TEF: variants seen among roughly 807,000 people sequenced by gnomAD.
TEF encodes the protein thyrotroph embryonic factor.
TEF carries 3 observed loss-of-function variants against 20.8 expected under a neutral mutation model. That is an observed-to-expected ratio of 0.14 (90% CI 0.07 to 0.37). The LOEUF (loss-of-function observed/expected upper bound fraction) is 0.37. Among genes scored for constraint, TEF ranks in the 10% least tolerant of loss-of-function variants. The pLI is 1.00. For synonymous variants in TEF, 180 were observed against 171.1 expected (o/e 1.05, Z -0.41); for missense variants, 296 against 397.9 (o/e 0.74, Z 2.18).
At chr22:41,386,113 C>T (rs1166409270) in intron 1 of TEF, among the ~76,000 whole-genome samples, 4 of 152,210 alleles carry the variant, frequency 2.6e-5, no homozygotes, top group African/African-American at 9.6e-5. Flanking sequence ...TCCTGACCCC[C>T]CCGCACCTGG....
Position 41,397,232 on chromosome 22 carries a change from G to A in TEF, c.*1272G>A, listed in dbSNP as rs927057487. On this transcript the variant is annotated 3_prime_UTR_variant, in exon 4 of 4. Transcript: ENST00000266304. ...GTCCCAGGAGATGGGGGCCACTCGT[G>A]AGGCTGGCCATGCTGTGGCTTCTCA... 1.0e-5 allele frequency: 4 copies of A among 397,792 alleles called. No individual in the cohort carries two copies. Among genetic ancestry groups the A allele is most frequent in the Admixed American group, 8.8e-5 (2 of 22,708 alleles). 24.6% of individuals were successfully genotyped at this position (397,792 alleles called of 1,614,324 possible).
chr22:41,370,109 T>G, intron 1 of TEF: 2 of 983,778 alleles, frequency 2.0e-6, no homozygotes, highest in Non-Finnish European at 2.4e-6. Flanking sequence ...TCTTTTATTT[T>G]CTCTTTCCCC....
At chr22:41,372,647 A>G (rs1397323190) in intron 1 of TEF, among the ~76,000 whole-genome samples, 3 of 152,096 alleles carry the variant, frequency 2.0e-5, no homozygotes, top group African/African-American at 7.2e-5. Context: ...CCAGCCACTC[A>G]TCACGTGCTT....
intron 1 of TEF, chr22:41,370,120 C>CTTT (rs762993542): frequency 1.1e-5 from 9 of 793,342 alleles, no homozygotes; most frequent in African/African-American, 7.5e-5. Context: ...CTCTTTCCCC[C>CTTT]TTTTTTTTTT....
upstream of TEF, among the ~76,000 whole-genome samples, chr22:41,379,547 G>A (rs986080517): frequency 6.6e-6 from 1 of 151,006 alleles, no homozygotes; most frequent in Non-Finnish European, 1.5e-5. Context: ...ATAAGGTAGA[G>A]CCTGCCCTAA....
At chr22:41,379,444 T>C (rs1196192724), upstream of TEF, among the ~76,000 whole-genome samples, 2 of 150,528 alleles carry the variant, frequency 1.3e-5, no homozygotes, top group Non-Finnish European at 3.0e-5. Flanking sequence ...GAGGCAGAGG[T>C]TGCAGTGAGC....
upstream of TEF, among the ~76,000 whole-genome samples, chr22:41,380,733 C>A (rs1045802018): frequency 1.3e-5 from 2 of 152,148 alleles, no homozygotes; most frequent in African/African-American, 2.4e-5. Flanking sequence ...AGCAGCTTTC[C>A]ATTTGTGTAC....
chr22:41,393,919 T>C (rs189322579), intron 2 of TEF, among the ~76,000 whole-genome samples, 177 bp from the exon 3 acceptor site: 41 of 152,284 alleles, frequency 2.7e-4, no homozygotes, highest in African/African-American at 9.1e-4. Flanking sequence ...AATGTTTGTG[T>C]TGTGGAATTG....
At chr22:41,383,955 T>A (rs973594008) in intron 1 of TEF, among the ~76,000 whole-genome samples, 1 of 152,220 alleles carries the variant, frequency 6.6e-6, no homozygotes, top group South Asian at 2.1e-4. Flanking sequence ...GGCTTGACTT[T>A]CTTACTTCTC....
intron 1 of TEF, among the ~76,000 whole-genome samples, chr22:41,384,772 G>A (rs1477193875): frequency 6.6e-6 from 1 of 151,790 alleles, no homozygotes; most frequent in Non-Finnish European, 1.5e-5. Flanking sequence ...TTTCTTTCGA[G>A]ACAGACTTTC....
chr22:41,387,008 C>T (rs1007239245), intron 1 of TEF, among the ~76,000 whole-genome samples: 2 of 152,214 alleles, frequency 1.3e-5, no homozygotes, highest in African/African-American at 4.8e-5. Context: ...TGGGTCACTG[C>T]ACTCCAGCCT....
chr22:41,378,897 C>A (rs533644257), upstream of TEF, among the ~76,000 whole-genome samples: 1 of 152,210 alleles, frequency 6.6e-6, no homozygotes, highest in African/African-American at 2.4e-5. Flanking sequence ...ATTTTCTGTA[C>A]ACAATTAACT....
chr22:41,385,519 C>T (rs984569100), intron 1 of TEF, among the ~76,000 whole-genome samples: 5 of 152,088 alleles, frequency 3.3e-5, no homozygotes, highest in African/African-American at 1.2e-4. Flanking sequence ...GGCTGGGTTG[C>T]TGTGGAGAAG....
At chr22:41,370,517 A>C (rs1384472372) in intron 1 of TEF, among the ~76,000 whole-genome samples, 1 of 149,582 alleles carries the variant, frequency 6.7e-6, no homozygotes, top group Non-Finnish European at 1.5e-5. Context: ...TGTTCAAGCA[A>C]TTCTCCTGCC....
intron 3 of TEF, among the ~76,000 whole-genome samples, chr22:41,394,884 C>T (rs556546208): frequency 4.6e-5 from 7 of 152,330 alleles, no homozygotes; most frequent in Admixed American, 2.0e-4. Context: ...ATCTGTAAAA[C>T]GGGAGCAACT....
intron 1 of TEF, among the ~76,000 whole-genome samples, chr22:41,368,916 C>T (rs1000402728): frequency 6.0e-4 from 92 of 152,194 alleles, no homozygotes; most frequent in Non-Finnish European, 4.4e-5. Context: ...TTGGAGTCCA[C>T]ACCCACAAAC....
upstream of TEF, among the ~76,000 whole-genome samples, chr22:41,379,347 G>GA (rs111846032): frequency 0.038 from 5,443 of 144,954 alleles, 321 homozygotes; most frequent in African/African-American, 0.13. Context: ...TCGGAAAAAA[G>GA]AAAAAAAAAA....
chr22:41,381,805 G>A (rs899302340), upstream of TEF: 16 of 1,056,274 alleles, frequency 1.5e-5, 1 homozygote, highest in African/African-American at 1.6e-5. Context: ...ATCTGCGCCT[G>A]CCCCTCTCGC....
At position 41,394,268 on chromosome 22, in the gene TEF, G is replaced by A. The variant is rs2037201241; in HGVS notation, c.648G>A (p.Gln216=). The A allele has an allele frequency of 6.2e-7, 1 of 1,614,016 alleles. No individual in the cohort carries two copies. The highest frequency in any genetic ancestry group is 8.5e-7 in the Non-Finnish European group (1 of 1,180,032). ...TTGCTGAGGAGGACCTGAAGCCCCA[G>A]CCTATGATCAAAAAGGCCAAGAAGG... The part of the protein sequence containing the change: ...HKFAEEDLKP[Q]PMIKKAKKVF... The change falls in exon 3 of 4, where the codon CAG becomes CAA. Residue 216 remains glutamine, a synonymous_variant. Coordinates refer to ENST00000266304, the MANE Select transcript of TEF (RefSeq NM_003216.4).
Sources: gnomAD v4.1 joint callset for allele counts (sites outside exome capture counted in the v4.1 genomes callset) on GRCh38, gnomAD v4.1.1 for gene constraint, MANE v1.5 for transcripts, NCBI Gene and HGNC (gene_info 2026-07-23, HGNC 2026-07-21) for gene names.